The following TGM3 variants were observed in gnomAD, a reference collection of about 807,000 sequenced individuals.
TGM3 encodes the protein transglutaminase 3, also known as protein-glutamine gamma-glutamyltransferase E.
A neutral mutation model predicts 73.8 loss-of-function variants in TGM3; 52 were observed. That is an observed-to-expected ratio of 0.70 (90% confidence interval 0.56 to 0.89). The LOEUF (loss-of-function observed/expected upper bound fraction) is 0.89, where lower values mean the gene tolerates loss of function less well. Among genes scored for constraint, TGM3 ranks in the 40% least tolerant of loss-of-function variants. The pLI is 0.00. For synonymous variants in TGM3, 372 were observed against 354.9 expected, an observed-to-expected ratio of 1.05 and a Z score of -0.54; for missense variants, 928 against 909.9, an observed-to-expected ratio of 1.02 and a Z score of -0.26.
At chr20:2,296,945 T>A (rs763937850) in intron 1 of TGM3, among the ~76,000 whole-genome samples, 23 of 152,340 alleles carry the variant, frequency 1.5e-4, no homozygotes, top group Non-Finnish European at 3.1e-4. Flanking sequence ...GCCAAAGACA[T>A]CACTGAGCCA....
rs375315316 is a variant in TGM3 at position 2,340,488 on chromosome 20, C to A, written c.1989C>A (p.Pro663=). 212 of 1,614,196 alleles carry A rather than the reference C, an allele frequency of 1.3e-4. 1 individual carries two copies. In the East Asian group the frequency reaches 2.9e-3, roughly 22 times the overall value. ...EGSRVRFDIL[P]SRSGTKQLLA... is the part of the protein sequence containing the mutation. The stretch of plus-strand genomic sequence containing the variant: ...CCCGGGTCCGTTTTGATATCCTGCC[C>A]TCCCGGAGTGGCACCAAGCAACTGC... Residue 663 remains proline (P), a synonymous_variant, in exon 13 of 13, where the codon CCC becomes CCA. Transcript: ENST00000381458.
intron 9 of TGM3, among the ~76,000 whole-genome samples, chr20:2,331,030 G>A (rs1180924441): frequency 3.0e-5 from 4 of 132,074 alleles, no homozygotes; most frequent in African/African-American, 8.7e-5. Context: ...AAAAAAAAGA[G>A]AGAGAAAAAA....
rs372025039 is a variant in TGM3 at position 2,313,802 on chromosome 20, G to A, written c.669+776G>A. Among the ~76,000 whole-genome samples the A allele has an allele frequency of 7.2e-5, 11 of 152,264 alleles. No individual in the cohort carries two copies. The East Asian group carries it at 9.7e-4, about 13-fold the overall frequency. On this transcript the variant is annotated intron_variant, in intron 5 of 12. Coordinates refer to ENST00000381458, the MANE Select transcript of TGM3 (RefSeq NM_003245.4). The stretch of plus-strand genomic sequence containing the variant: ...CCAGTGCTTTGGGAGATGGAGGTGG[G>A]AAGATGGCTTGAGCCCAGGAGTTTG...
At position 2,335,237 on chromosome 20, in the gene TGM3, G is replaced by T; in HGVS notation, c.1764G>T (p.Arg588=). ...VPDESEVVVE[R]DIILDNPTLT... ...ATGAGTCTGAGGTGGTGGTGGAGCG[G>T]GACATCATCCTGGACAACCCCACCT... Residue 588 remains arginine, a synonymous_variant, in exon 11 of 13, where the codon CGG becomes CGT. Transcript: ENST00000381458. 1 of 1,614,196 alleles carries T rather than the reference G, an allele frequency of 6.2e-7. No homozygotes were observed. Among genetic ancestry groups the T allele is most frequent in the Non-Finnish European group, 8.5e-7 (1 of 1,180,030 alleles).
Position 2,332,775 on chromosome 20 carries a change from C to A in TGM3, c.1642+465C>A, listed in dbSNP as rs561821535. On this transcript the variant is annotated intron_variant, in intron 10 of 12. Transcript: ENST00000381458. The surrounding 1 kb of genome is among the most constrained non-coding windows in gnomAD (Gnocchi z 4.4). ...TTTCCTGATACTGAGTCCAGAGCCA[C>A]CCCCTGTTTTCTATGTTGTATTGTT... Among the ~76,000 whole-genome samples, 1 of 152,264 alleles carries A rather than the reference C, an allele frequency of 6.6e-6. No homozygotes were observed. Among genetic ancestry groups the A allele is most frequent in the South Asian group, 2.1e-4 (1 of 4,824 alleles).
At position 2,340,966 on chromosome 20, in the gene TGM3, C is replaced by T. The variant is rs576800007; in HGVS notation, c.*385C>T. ...ACTGTTTGCTGATCCCCAACCTGCA[C>T]GGGGCATTCCTGCTTCTCTCTCAGG... On this transcript the variant is annotated 3_prime_UTR_variant, in exon 13 of 13. Transcript: ENST00000381458. 23 of 463,534 alleles carry T rather than the reference C, an allele frequency of 5.0e-5. No homozygotes were observed. Among genetic ancestry groups the T allele is most frequent in the Non-Finnish European group, 9.5e-5 (22 of 232,044 alleles). The allele number at this position is 463,534 out of a possible 1,614,324, so 28.7% of individuals were successfully genotyped here.
At chr20:2,304,786 C>G (rs1469018554) in intron 1 of TGM3, among the ~76,000 whole-genome samples, 3 of 152,184 alleles carry the variant, frequency 2.0e-5, no homozygotes, top group African/African-American at 7.2e-5. Context: ...AGCACACAGC[C>G]TACAGGGAGT....
At chr20:2,310,527 G>T (rs2084198298) in intron 3 of TGM3, 110 bp downstream of exon 3, 3 of 1,512,788 alleles carry the variant, frequency 2.0e-6, no homozygotes, top group Non-Finnish European at 2.7e-6. Flanking sequence ...AAGTCCATGG[G>T]CTGTGGAAAG....
At chr20:2,319,407 T>A (rs1052307417) in intron 7 of TGM3, among the ~76,000 whole-genome samples, 2 of 152,114 alleles carry the variant, frequency 1.3e-5, no homozygotes, top group African/African-American at 4.8e-5. Context: ...CACAGCATGG[T>A]GTGTGATGCC....
intron 1 of TGM3, among the ~76,000 whole-genome samples, chr20:2,307,809 G>A (rs1018006501): frequency 7.2e-5 from 11 of 152,020 alleles, no homozygotes; most frequent in African/African-American, 1.7e-4. Context: ...TTCAGCTGTC[G>A]TCATGATGGT....
In TGM3 at chr20:2,325,928, G is replaced by T; in HGVS notation, c.1063G>T (p.Ala355Ser). ...PSYGGWQVLD[A>S]TPQERSQGVF... is the part of the protein sequence containing the mutation. The stretch of plus-strand genomic sequence containing the variant: ...GTACGGTGGATGGCAGGTGTTGGAT[G>T]CTACCCCGCAGGAAAGAAGCCAAGG... Residue 355 changes from alanine to serine, a missense_variant, in exon 8 of 13, where the codon GCT (alanine) becomes TCT (serine). By Grantham distance (99) the Ala-to-Ser change is moderately conservative (BLOSUM62 1). Transcript: ENST00000381458. The T allele has an allele frequency of 6.3e-7, 1 of 1,595,258 alleles. No individual in the cohort carries two copies.
rs1331851604 is a variant in TGM3 at position 2,328,626 on chromosome 20, G to A, written c.1333+261G>A. 6.6e-6 allele frequency among the ~76,000 whole-genome samples: 1 copy of A among 152,218 alleles called. No individual in the cohort carries two copies. Among genetic ancestry groups the A allele is most frequent in the East Asian group, 1.9e-4 (1 of 5,200 alleles). ...GTCAACCCAGCCCATCTCCAGCTGT[G>A]TCCCTGTCTCAACTACACAGCTAGG... On this transcript the variant is annotated intron_variant, in intron 9 of 12. Coordinates refer to ENST00000381458, the MANE Select transcript of TGM3 (RefSeq NM_003245.4). The surrounding 1 kb of genome is among the most constrained non-coding windows in gnomAD (Gnocchi z 5.2).
At chr20:2,329,234 G>A (rs1023055724) in intron 9 of TGM3, among the ~76,000 whole-genome samples, 43 of 152,106 alleles carry the variant, frequency 2.8e-4, no homozygotes, top group African/African-American at 9.7e-4. Flanking sequence ...CCTCATAAAG[G>A]TGCACACAGT....
intron 9 of TGM3, 83 bp from the exon 10 acceptor site, chr20:2,331,919 G>A: frequency 6.7e-7 from 1 of 1,485,310 alleles, no homozygotes; most frequent in East Asian, 2.3e-5. Context: ...CCAGTCCTAG[G>A]CCGCCTGTCC....
At chr20:2,318,210 G>A (rs1171338331) in intron 7 of TGM3, among the ~76,000 whole-genome samples, 2 of 151,990 alleles carry the variant, frequency 1.3e-5, no homozygotes, top group Non-Finnish European at 2.9e-5. Flanking sequence ...GTAGAGACAG[G>A]CTTTCACCAT....
At chr20:2,296,200 A>G (rs781598802) in intron 1 of TGM3, 130 bp downstream of exon 1, 200 of 1,145,522 alleles carry the variant, frequency 1.7e-4, no homozygotes, top group Admixed American at 2.9e-4. Context: ...CAGACTTCCT[A>G]TTTTAGGGTG....
At chr20:2,337,007 G>A (rs2084354483) in intron 11 of TGM3, among the ~76,000 whole-genome samples, 1 of 152,064 alleles carries the variant, frequency 6.6e-6, no homozygotes, top group Non-Finnish European at 1.5e-5. Context: ...GTCCCAGCTG[G>A]AATATTATCC....
intron 5 of TGM3, among the ~76,000 whole-genome samples, chr20:2,316,606 AAAT>A (rs541254122): frequency 1.4e-5 from 2 of 143,882 alleles, no homozygotes; most frequent in African/African-American, 5.5e-5. Flanking sequence ...AATAAAATAA[AAAT>A]AAATAAAATA....
chr20:2,333,745 T>TA (rs72160178), intron 10 of TGM3, among the ~76,000 whole-genome samples: 4,536 of 151,292 alleles, frequency 0.03, 207 homozygotes, highest in East Asian at 0.09. Context: ...TGGAAATAGT[T>TA]AAAAAAAAAC....
Sources: gnomAD v4.1 joint callset for allele counts (sites outside exome capture counted in the v4.1 genomes callset) on GRCh38, gnomAD v4.1.1 for gene constraint, Gnocchi (gnomAD v3.1) non-coding constraint, MANE v1.5 for transcripts, NCBI Gene and HGNC (gene_info 2026-07-23, HGNC 2026-07-21) for gene names.